The following FAM163B variants were observed in gnomAD, a reference collection of about 807,000 sequenced individuals.
The protein encoded by FAM163B is family with sequence similarity 163 member B.
In FAM163B, 4 loss-of-function variants were observed where a neutral mutation model predicts 7.6. The ratio of observed to expected loss-of-function variants is 0.52; its 90% CI spans 0.26 to 1.20. FAM163B has a LOEUF of 1.20. Among genes scored for constraint, FAM163B ranks in the 50% most tolerant of loss-of-function variants. The pLI, the probability that FAM163B is intolerant of heterozygous loss-of-function variation, is 0.14. For synonymous variants in FAM163B, 120 were observed against 111.6 expected, an observed-to-expected ratio of 1.07 and a Z score of -0.47; for missense variants, 250 against 243.0, an observed-to-expected ratio of 1.03 and a Z score of -0.19.
chr9:133,602,659 G>A (rs1336527475), intron 1 of FAM163B, among the ~76,000 whole-genome samples: 1 of 152,152 alleles, frequency 6.6e-6, no homozygotes, highest in Non-Finnish European at 1.5e-5. Context: ...CATGTGGGAA[G>A]TTCCATGAAG....
chr9:133,605,856 C>G (rs1367157261), intron 1 of FAM163B, among the ~76,000 whole-genome samples: 2 of 152,320 alleles, frequency 1.3e-5, no homozygotes, highest in East Asian at 3.9e-4. Flanking sequence ...GTCACTTGCC[C>G]TCTTCTTACC....
rs1172877578 is a variant in FAM163B at position 133,577,083 on chromosome 9, T to C, written c.*1939A>G. On this transcript the variant is annotated 3_prime_UTR_variant, in exon 3 of 3. Transcript: ENST00000673969. ...GGACGGAAGACGCTGCACGAGAGTGTGGGAGATGTTTTATTGGCTTTCACT... is the reference window on the plus strand; with the variant it reads ...GGACGGAAGACGCTGCACGAGAGTGCGGGAGATGTTTTATTGGCTTTCACT... Among the ~76,000 whole-genome samples the C allele has an allele frequency of 2.0e-5, 3 of 151,958 alleles. No homozygotes were observed. Among genetic ancestry groups the C allele is most frequent in the African/African-American group, 7.3e-5 (3 of 41,362 alleles).
chr9:133,608,230 G>A (rs550990524), intron 1 of FAM163B, among the ~76,000 whole-genome samples: 1 of 152,322 alleles, frequency 6.6e-6, no homozygotes, highest in East Asian at 1.9e-4. Flanking sequence ...AAGGTTCCAT[G>A]AACTTGACCC....
At chr9:133,579,579 A>G (rs1831322644) in intron 2 of FAM163B, 150 bp from the exon 3 acceptor site, 2 of 981,874 alleles carry the variant, frequency 2.0e-6, no homozygotes, top group Non-Finnish European at 2.9e-6. Context: ...CTGTTTAACC[A>G]GTGCTATGGG....
chr9:133,590,037 G>GTTCCC lies in FAM163B; in HGVS notation c.-23-9796_-23-9792dup, dbSNP rs202112580. On this transcript the variant is annotated intron_variant, in intron 1 of 2. Coordinates refer to ENST00000673969, the MANE Select transcript of FAM163B (RefSeq NM_001080515.3). Reference sequence around the variant, plus strand: ...AAACCCTCTCTGCTGCTGGACTTAAGTTCCCTTCCCTTCCCTTCCCTTCCC... The same window carrying GTTCCC: ...AAACCCTCTCTGCTGCTGGACTTAAGTTCCCTTCCCTTCCCTTCCCTTCCCTTCCC... Among the ~76,000 whole-genome samples the GTTCCC allele has an allele frequency of 4.8e-4, 39 of 80,830 alleles. 3 individuals are homozygous for GTTCCC. The highest frequency in any genetic ancestry group is 8.2e-4 in the Admixed American group (7 of 8,554). 53.0% of individuals were successfully genotyped at this position (80,830 alleles called of 152,430 possible).
In FAM163B at chr9:133,590,770, C is replaced by T. The variant is rs554986099; in HGVS notation, c.-23-10524G>A. 2.5e-3 allele frequency among the ~76,000 whole-genome samples: 376 copies of T among 152,256 alleles called. 4 individuals carry two copies. Among genetic ancestry groups the T allele is most frequent in the African/African-American group, 8.7e-3 (362 of 41,554 alleles). On this transcript the variant is annotated intron_variant, in intron 1 of 2. Coordinates refer to ENST00000673969, the MANE Select transcript of FAM163B (RefSeq NM_001080515.3). ...CAGCAGCGTGGCCCGGAAACTCTGC[C>T]CCCAGCCAGGAATTCCAGCCCTTAC...
At position 133,579,324 on chromosome 9, in the gene FAM163B, T is replaced by C. The variant is rs1181439823; in HGVS notation, c.199A>G (p.Thr67Ala). The C allele has an allele frequency of 6.2e-7, 1 of 1,613,668 alleles. No individual in the cohort carries two copies. The highest frequency in any genetic ancestry group is 8.5e-7 in the Non-Finnish European group (1 of 1,179,944). The change falls in exon 3 of 3, where the codon ACC (threonine) becomes GCC (alanine). Residue 67 changes from threonine (T) to alanine (A), a missense_variant. Physicochemically the swap from Thr to Ala is moderately conservative, Grantham distance 58. Coordinates refer to ENST00000673969, the MANE Select transcript of FAM163B (RefSeq NM_001080515.3). The part of the protein sequence containing the change: ...PLHSNRNLVL[T>A]NGPALYPTAS... ...GTGGGGTAGAGCGCCGGCCCGTTGG[T>C]CAGCACCAGGTTGCGGTTGGAGTGC...
intron 1 of FAM163B, among the ~76,000 whole-genome samples, chr9:133,592,094 A>C (rs1180973697): frequency 6.6e-6 from 1 of 152,116 alleles, no homozygotes; most frequent in African/African-American, 2.4e-5. Flanking sequence ...CAGCCTCCCC[A>C]GGACACTGTG....
chr9:133,586,055 G>A (rs1195123836), intron 1 of FAM163B: 2 of 152,258 alleles, frequency 1.3e-5, no homozygotes, highest in Admixed American at 1.3e-4. Flanking sequence ...CTGCACATTT[G>A]TTCCTAATTT....
rs1026895538 is a variant in FAM163B, at chr9:133,600,278, T to A, written c.-24+8799A>T. Among the ~76,000 whole-genome samples the A allele has an allele frequency of 7.7e-4, 116 of 151,130 alleles. No homozygotes were observed. Among genetic ancestry groups the A allele is most frequent in the Non-Finnish European group, 1.4e-3 (92 of 67,632 alleles). On this transcript the variant is annotated intron_variant, in intron 1 of 2. Transcript: ENST00000673969. This position sits in a 1 kb window ranked among gnomAD's most constrained non-coding sequence, Gnocchi z 4.9. Reference sequence around the variant, plus strand: ...TGTGGTCTGTGTGTGTGTGTGTGTGTGTGTGTGTGTGTGTGTGTAGTGCTG... The same window carrying A: ...TGTGGTCTGTGTGTGTGTGTGTGTGAGTGTGTGTGTGTGTGTGTAGTGCTG...
chr9:133,581,470 G>A (rs1831354770), intron 1 of FAM163B, among the ~76,000 whole-genome samples: 1 of 152,096 alleles, frequency 6.6e-6, no homozygotes, highest in East Asian at 1.9e-4. Context: ...ATACTCCAGT[G>A]CAGCATCTGA....
At chr9:133,602,230 C>T (rs968728655) in intron 1 of FAM163B, among the ~76,000 whole-genome samples, 3 of 152,278 alleles carry the variant, frequency 2.0e-5, no homozygotes, top group South Asian at 2.1e-4. Flanking sequence ...TGGATGACGA[C>T]GGATGAGTTC....
In FAM163B at chr9:133,581,731, G is replaced by A. The variant is rs978297804; in HGVS notation, c.-23-1485C>T. Among the ~76,000 whole-genome samples the A allele has an allele frequency of 4.6e-5, 7 of 152,328 alleles. No homozygotes were observed. In the South Asian group the frequency reaches 8.3e-4, roughly 18 times the overall value. On this transcript the variant is annotated intron_variant, in intron 1 of 2. Transcript: ENST00000673969. ...GGATTCCTCGCATGGCATTGAACAT[G>A]CTCCTTTATCAGTGTTTCTCCTCTA...
intron 1 of FAM163B, among the ~76,000 whole-genome samples, chr9:133,580,828 G>T (rs1831345505): frequency 1.3e-5 from 2 of 152,162 alleles, no homozygotes; most frequent in Admixed American, 6.5e-5. Flanking sequence ...GTACGTGTGC[G>T]GCTTAGTAGC....
chr9:133,586,669 G>A (rs1831443191), intron 1 of FAM163B, among the ~76,000 whole-genome samples: 1 of 150,710 alleles, frequency 6.6e-6, no homozygotes, highest in Non-Finnish European at 1.5e-5. Flanking sequence ...TGCAGATTGT[G>A]GTGCCCAGGG....
chr9:133,589,578 A>G (rs10993774), intron 1 of FAM163B, among the ~76,000 whole-genome samples: 65,956 of 152,016 alleles, frequency 0.43, 15,191 homozygotes, highest in East Asian at 0.9. Flanking sequence ...TGAAGGCAAG[A>G]ACCTGGTTTC....
chr9:133,606,088 C>T lies in FAM163B; in HGVS notation c.-24+2989G>A, dbSNP rs1831786522. On this transcript the variant is annotated intron_variant, in intron 1 of 2. Transcript: ENST00000673969. This position sits in a 1 kb window ranked among gnomAD's most constrained non-coding sequence, Gnocchi z 4.0. The stretch of plus-strand genomic sequence containing the variant: ...TGGCGGAACCGGACCCCACCTGACT[C>T]TCCAGCCTCCTCCTTCACTGATGAG... 6.6e-6 allele frequency among the ~76,000 whole-genome samples: 1 copy of T among 152,180 alleles called. No individual in the cohort carries two copies. The highest frequency in any genetic ancestry group is 6.5e-5 in the Admixed American group (1 of 15,284).
At position 133,601,495 on chromosome 9, in the gene FAM163B, G is replaced by A. The variant is rs1237705646; in HGVS notation, c.-24+7582C>T. Among the ~76,000 whole-genome samples the A allele has an allele frequency of 6.6e-6, 1 of 152,154 alleles. No homozygotes were observed. Among genetic ancestry groups the A allele is most frequent in the African/African-American group, 2.4e-5 (1 of 41,430 alleles). On this transcript the variant is annotated intron_variant, in intron 1 of 2. Transcript: ENST00000673969. The surrounding 1 kb of genome is among the most constrained non-coding windows in gnomAD (Gnocchi z 4.1). ...AGCATTAACCACAGGGGCCTGGCCA[G>A]GCGAGACCCACTCTCTCTGGAGTTC...
intron 1 of FAM163B, among the ~76,000 whole-genome samples, chr9:133,589,931 G>A (rs1020411835): frequency 2.0e-5 from 3 of 152,038 alleles, no homozygotes; most frequent in Admixed American, 6.5e-5. Context: ...TGAAAACCCC[G>A]GGCAAGTCCC....
Sources: gnomAD v4.1 joint callset for allele counts (sites outside exome capture counted in the v4.1 genomes callset) on GRCh38, gnomAD v4.1.1 for gene constraint, Gnocchi (gnomAD v3.1) non-coding constraint, MANE v1.5 for transcripts, NCBI Gene and HGNC (gene_info 2026-07-23, HGNC 2026-07-21) for gene names.